The following EHMT1 variants were observed in gnomAD, a reference collection of about 807,000 sequenced individuals.
EHMT1 encodes the protein histone-lysine N-methyltransferase EHMT1.
A neutral mutation model predicts 147.2 loss-of-function variants in EHMT1; 15 were observed. That is an observed-to-expected ratio of 0.10 (90% CI 0.07 to 0.16). The LOEUF (loss-of-function observed/expected upper bound fraction) is 0.16. EHMT1 is among the 10% of genes least tolerant of loss of function. EHMT1 has a pLI of 1.00. For missense variants in EHMT1, 1,587 were observed against 1,772.4 expected (o/e 0.90, Z 1.88); for synonymous variants, 795 against 709.6 (o/e 1.12, Z -1.91).
chr9:137,619,868 T>A (rs1307083873), intron 1 of EHMT1, among the ~76,000 whole-genome samples: 1 of 151,830 alleles, frequency 6.6e-6, no homozygotes, highest in Non-Finnish European at 1.5e-5. Context: ...CAGGAGGTGG[T>A]GTGTCCGTGG....
intron 1 of EHMT1, among the ~76,000 whole-genome samples, chr9:137,679,633 G>A (rs1018695065): frequency 1.3e-5 from 2 of 152,012 alleles, no homozygotes; most frequent in Non-Finnish European, 2.9e-5. Context: ...TCATTTGCCC[G>A]TTTTTATGTT....
intron 6 of EHMT1, among the ~76,000 whole-genome samples, chr9:137,745,311 T>C (rs1432880539): frequency 1.3e-5 from 2 of 152,258 alleles, no homozygotes; most frequent in Non-Finnish European, 2.9e-5. Flanking sequence ...AAGTCTGTTG[T>C]ACATTTTTAG....
rs577387038 is a variant in EHMT1, at chr9:137,715,900, G to C, written c.86-726G>C. On this transcript the variant is annotated intron_variant, in intron 2 of 26. Coordinates refer to ENST00000460843, the MANE Select transcript of EHMT1 (RefSeq NM_024757.5). ...CAAACTTAACCAACTAACGTTCAAC[G>C]TTAATGCTTAAGAAATGTTTATGTT... The C allele has an allele frequency of 3.5e-5, 32 of 922,166 alleles. No individual in the cohort carries two copies. In the African/African-American group the frequency reaches 5.4e-4, roughly 15 times the overall value. The allele number at this position is 922,166 out of a possible 1,614,324, so 57.1% of individuals were successfully genotyped here. A position where few individuals can be genotyped will look rare whatever the true frequency, so the allele number is the denominator to read the frequency against.
At chr9:137,711,895 A>G (rs1024328413) in intron 2 of EHMT1, among the ~76,000 whole-genome samples, 1 of 152,154 alleles carries the variant, frequency 6.6e-6, no homozygotes, top group Non-Finnish European at 1.5e-5. Flanking sequence ...TCCTCTCCAG[A>G]CAGCGCGCAA....
chr9:137,716,959 C>T lies in EHMT1; in HGVS notation c.419C>T (p.Thr140Ile). Residue 140 changes from threonine (T) to isoleucine (I), a missense_variant, in exon 3 of 27, where the codon ACC becomes ATC. Coordinates refer to ENST00000460843, the MANE Select transcript of EHMT1 (RefSeq NM_024757.5). ...PALQAQPLRT[T>I]STLASSLPGH... ...CTACAGGCACAGCCCTTGAGGACTA[C>T]CAGCACTCTGGCCTCTTCGCTGCCT... 1 of 1,612,772 alleles carries T rather than the reference C, an allele frequency of 6.2e-7. No individual in the cohort carries two copies. The highest frequency in any genetic ancestry group is 8.5e-7 in the Non-Finnish European group (1 of 1,179,698).
rs1406187852 is a variant in EHMT1, at chr9:137,784,414, A to G, written c.2382+2017A>G. 1.3e-5 allele frequency: 16 copies of G among 1,215,042 alleles called. No individual in the cohort carries two copies. The East Asian group carries it at 2.3e-4, about 18-fold the overall frequency. 75.3% of individuals were successfully genotyped at this position (1,215,042 alleles called of 1,614,324 possible). On this transcript the variant is annotated intron_variant, in intron 15 of 26. Transcript: ENST00000460843. Reference sequence around the variant, plus strand: ...CCATAGTGCCAGCCTTTTGAAGCCAATACTTTTTTGGTCGTTCGTGCATCT... The same window carrying G: ...CCATAGTGCCAGCCTTTTGAAGCCAGTACTTTTTTGGTCGTTCGTGCATCT...
chr9:137,821,461 A>T (rs1033042181), intron 25 of EHMT1, among the ~76,000 whole-genome samples: 3 of 151,178 alleles, frequency 2.0e-5, no homozygotes, highest in Non-Finnish European at 4.4e-5. Flanking sequence ...CCAAGTAGGT[A>T]GGACTACAAG....
rs2137717303 is a variant in EHMT1, at chr9:137,813,238, G to A, written c.3035+65G>A. On this transcript the variant is annotated intron_variant, in intron 20 of 26. Coordinates refer to ENST00000460843, the MANE Select transcript of EHMT1 (RefSeq NM_024757.5). The surrounding 1 kb of genome is among the most constrained non-coding windows in gnomAD (Gnocchi z 4.9). ...GTCAGCAGGGCTTTGGGAACTTGCG[G>A]TGAAAGCTGCTCCTGAAGCCGAAAC... is the stretch of plus-strand genomic sequence containing the variant. 3 of 1,584,336 alleles carry A rather than the reference G, an allele frequency of 1.9e-6. No homozygotes were observed. Among genetic ancestry groups the A allele is most frequent in the Non-Finnish European group, 2.6e-6 (3 of 1,171,440 alleles).
chr9:137,812,953 C>T, intron 19 of EHMT1, 53 bp from the exon 20 acceptor site: 1 of 1,604,312 alleles, frequency 6.2e-7, no homozygotes, highest in Non-Finnish European at 8.5e-7. Flanking sequence ...TCATCTGTAT[C>T]ACATTTTCAA....
chr9:137,694,709 C>T (rs1420506667), intron 1 of EHMT1, among the ~76,000 whole-genome samples: 3 of 152,184 alleles, frequency 2.0e-5, no homozygotes, highest in South Asian at 2.1e-4. Context: ...GGTGGAGACG[C>T]GCCTAGCACA....
At chr9:137,669,196 G>A (rs1035132101) in intron 1 of EHMT1, among the ~76,000 whole-genome samples, 9 of 152,048 alleles carry the variant, frequency 5.9e-5, no homozygotes, top group Non-Finnish European at 7.4e-5. Context: ...CTAGAAGTAG[G>A]TTCTTGATGT....
intron 4 of EHMT1, among the ~76,000 whole-genome samples, chr9:137,737,427 A>G (rs976366425): frequency 7.2e-5 from 11 of 152,232 alleles, no homozygotes; most frequent in African/African-American, 2.4e-4. Flanking sequence ...GCTTTCCAAC[A>G]AATGGTGCGG....
intron 1 of EHMT1, among the ~76,000 whole-genome samples, chr9:137,668,620 C>T (rs548377037): frequency 7.9e-5 from 12 of 152,264 alleles, no homozygotes; most frequent in Non-Finnish European, 1.5e-4. Flanking sequence ...TCCCGTGTCC[C>T]CCACTCCCCC....
chr9:137,752,049 G>A (rs373659205), intron 6 of EHMT1, among the ~76,000 whole-genome samples: 118 of 152,342 alleles, frequency 7.7e-4, no homozygotes, highest in African/African-American at 2.5e-3. Flanking sequence ...GCCTCAGTCC[G>A]CACCAGGGCA....
At chr9:137,806,386 C>T (rs1400479924) in intron 18 of EHMT1, among the ~76,000 whole-genome samples, 1 of 152,110 alleles carries the variant, frequency 6.6e-6, no homozygotes, top group African/African-American at 2.4e-5. Context: ...TTCCGCTGGC[C>T]TCACTCCCTT....
intron 25 of EHMT1, among the ~76,000 whole-genome samples, chr9:137,821,489 G>A (rs374595632): frequency 1.3e-5 from 2 of 151,740 alleles, no homozygotes; most frequent in African/African-American, 4.8e-5. Context: ...TACAATGCCC[G>A]GCTAATTTTT....
chr9:137,704,392 G>C (rs1318026264), intron 1 of EHMT1, among the ~76,000 whole-genome samples: 5 of 152,234 alleles, frequency 3.3e-5, no homozygotes, highest in Admixed American at 1.3e-4. Flanking sequence ...CCGGAGGCTT[G>C]TGGCCTTGCC....
At chr9:137,635,968 C>T (rs1165810616) in intron 1 of EHMT1, among the ~76,000 whole-genome samples, 3 of 151,410 alleles carry the variant, frequency 2.0e-5, no homozygotes, top group African/African-American at 7.3e-5. Flanking sequence ...GTCGCCCAGG[C>T]TAGAGTGCAG....
At chr9:137,670,608 C>T (rs184072622) in intron 1 of EHMT1, among the ~76,000 whole-genome samples, 2 of 152,226 alleles carry the variant, frequency 1.3e-5, no homozygotes, top group African/African-American at 2.4e-5. Context: ...ATCTGCGCCT[C>T]TCTCTTCTGA....
Sources: gnomAD v4.1 joint callset for allele counts (sites outside exome capture counted in the v4.1 genomes callset) on GRCh38, gnomAD v4.1.1 for gene constraint, Gnocchi (gnomAD v3.1) non-coding constraint, MANE v1.5 for transcripts, NCBI Gene and HGNC (gene_info 2026-07-23, HGNC 2026-07-21) for gene names.